The following SNTB1 variants were observed in gnomAD, a reference collection of about 807,000 sequenced individuals.
SNTB1 encodes syntrophin beta 1.
SNTB1 carries 36 observed loss-of-function variants against 48.9 expected under a neutral mutation model. The observed-to-expected ratio is 0.74, with a 90% CI of 0.56 to 0.97. SNTB1 has a LOEUF of 0.97. SNTB1 is among the 50% of genes least tolerant of loss of function. The probability of loss-of-function intolerance (pLI) is 0.00; values close to 1 mark genes in which losing one functional copy is unlikely to be tolerated. For synonymous variants in SNTB1, 299 were observed against 294.6 expected, an observed-to-expected ratio of 1.01 and a Z score of -0.15; for missense variants, 786 against 703.4, an observed-to-expected ratio of 1.12 and a Z score of -1.33.
chr8:120,584,573 G>T lies in SNTB1; in HGVS notation c.997-9348C>A, dbSNP rs60041571. On this transcript the variant is annotated intron_variant, in intron 3 of 6. Coordinates refer to ENST00000517992, the MANE Select transcript of SNTB1 (RefSeq NM_021021.4). Reference sequence around the variant, plus strand: ...TTTAAAAATCTACGTGACAGGGAAAGAATTCTCTCTATCAAGGGAGGAAAG... The same window carrying T: ...TTTAAAAATCTACGTGACAGGGAAATAATTCTCTCTATCAAGGGAGGAAAG... Among the ~76,000 whole-genome samples the T allele has an allele frequency of 7.2e-3, 1,087 of 151,760 alleles. 13 individuals carry two copies. The highest frequency in any genetic ancestry group is 0.024 in the African/African-American group (996 of 41,398).
At chr8:120,671,699 T>C (rs1223700217) in intron 2 of SNTB1, among the ~76,000 whole-genome samples, 1 of 152,218 alleles carries the variant, frequency 6.6e-6, no homozygotes, top group Non-Finnish European at 1.5e-5. Flanking sequence ...GACACCTGGT[T>C]TGTAGTAATT....
intron 1 of SNTB1, among the ~76,000 whole-genome samples, chr8:120,710,502 C>A (rs371534876): frequency 6.6e-6 from 1 of 152,154 alleles, no homozygotes; most frequent in Non-Finnish European, 1.5e-5. Context: ...GAATGCGTCC[C>A]CTCCAAAATT....
intron 3 of SNTB1, among the ~76,000 whole-genome samples, chr8:120,629,989 T>C (rs1343221467): frequency 9.2e-5 from 14 of 152,198 alleles, no homozygotes; most frequent in Non-Finnish European, 5.9e-5. Context: ...AAAGAGTAAC[T>C]TTTGGAAGAT....
chr8:120,744,772 T>C (rs1454468214), intron 1 of SNTB1, among the ~76,000 whole-genome samples: 1 of 152,230 alleles, frequency 6.6e-6, no homozygotes, highest in African/African-American at 2.4e-5. Context: ...GTATTTGTAT[T>C]GCTGTCTCTT....
chr8:120,611,446 G>A (rs1042208887), intron 3 of SNTB1, among the ~76,000 whole-genome samples: 1 of 152,144 alleles, frequency 6.6e-6, no homozygotes, highest in African/African-American at 2.4e-5. Flanking sequence ...CCTTACAGCA[G>A]TCTGTGAAGA....
intron 3 of SNTB1, among the ~76,000 whole-genome samples, 174 bp from the exon 4 acceptor site, chr8:120,575,399 A>G (rs1450996183): frequency 1.3e-5 from 2 of 152,194 alleles, no homozygotes; most frequent in Non-Finnish European, 2.9e-5. Context: ...ATCCTTGAAA[A>G]TATCTGTTGT....
intron 5 of SNTB1, among the ~76,000 whole-genome samples, chr8:120,545,670 T>C (rs989387105): frequency 6.6e-6 from 1 of 152,200 alleles, no homozygotes; most frequent in African/African-American, 2.4e-5. Context: ...CTTTCTACTG[T>C]GATGGAAATG....
intron 4 of SNTB1, among the ~76,000 whole-genome samples, chr8:120,562,899 A>C (rs909796292): frequency 2.0e-5 from 3 of 149,714 alleles, no homozygotes; most frequent in African/African-American, 7.7e-5. Flanking sequence ...AAAAAGAAAA[A>C]GAAAAAGAAA....
chr8:120,667,664 A>AT (rs1413197274), intron 2 of SNTB1, among the ~76,000 whole-genome samples: 1 of 151,902 alleles, frequency 6.6e-6, no homozygotes, highest in Non-Finnish European at 1.5e-5. Flanking sequence ...GGCCCTGGTA[A>AT]TTTTTTCATA....
chr8:120,686,754 C>A (rs1260157291), intron 2 of SNTB1, among the ~76,000 whole-genome samples: 1 of 152,142 alleles, frequency 6.6e-6, no homozygotes, highest in African/African-American at 2.4e-5. Context: ...TTCACTGATA[C>A]AAGCATGCAG....
intron 4 of SNTB1, among the ~76,000 whole-genome samples, chr8:120,555,545 C>G (rs748930963): frequency 5.3e-5 from 8 of 152,152 alleles, no homozygotes; most frequent in African/African-American, 1.9e-4. Context: ...ATGTCTAGTC[C>G]GTAGTTCCTG....
chr8:120,682,524 A>G (rs1234898776), intron 2 of SNTB1, among the ~76,000 whole-genome samples: 2 of 152,198 alleles, frequency 1.3e-5, no homozygotes, highest in Non-Finnish European at 2.9e-5. Flanking sequence ...CCACCATTAA[A>G]ACGATTGCTG....
At chr8:120,614,888 C>T (rs1008987314) in intron 3 of SNTB1, among the ~76,000 whole-genome samples, 12 of 149,700 alleles carry the variant, frequency 8.0e-5, no homozygotes, top group South Asian at 2.1e-4. Context: ...TTAAGATGAT[C>T]CCAGCTCTTT....
chr8:120,637,249 A>G (rs1388120095), intron 2 of SNTB1: 1 of 344,018 alleles, frequency 2.9e-6, no homozygotes, highest in Admixed American at 3.7e-5. Context: ...ATAAGATGGG[A>G]AAAAGTCTGC....
intron 1 of SNTB1, among the ~76,000 whole-genome samples, chr8:120,707,843 A>T (rs1818401938): frequency 6.6e-6 from 1 of 152,154 alleles, no homozygotes; most frequent in Non-Finnish European, 1.5e-5. Flanking sequence ...AGATTATTGC[A>T]GTTAATGAGC....
intron 1 of SNTB1, among the ~76,000 whole-genome samples, chr8:120,787,903 G>A (rs529035906): frequency 3.8e-4 from 58 of 152,208 alleles, no homozygotes; most frequent in Non-Finnish European, 7.6e-4. Context: ...ATTGCACAAA[G>A]AAAATCATCA....
intron 1 of SNTB1, among the ~76,000 whole-genome samples, chr8:120,702,835 A>C (rs1818328085): frequency 6.6e-6 from 1 of 152,162 alleles, no homozygotes; most frequent in Non-Finnish European, 1.5e-5. Flanking sequence ...CCTGCCAACT[A>C]TGTAAGCTTG....
At chr8:120,773,404 T>C (rs1819675007) in intron 1 of SNTB1, among the ~76,000 whole-genome samples, 1 of 152,196 alleles carries the variant, frequency 6.6e-6, no homozygotes, top group Admixed American at 6.5e-5. Context: ...GGCATGGATG[T>C]GAGCATGGAG....
intron 3 of SNTB1, among the ~76,000 whole-genome samples, chr8:120,593,204 AG>A (rs1318925130): frequency 3.9e-5 from 6 of 152,184 alleles, no homozygotes; most frequent in Non-Finnish European, 8.8e-5. Context: ...TCGTGGTGCC[AG>A]GGACGATATT....
Sources: gnomAD v4.1 joint callset for allele counts (sites outside exome capture counted in the v4.1 genomes callset) on GRCh38, gnomAD v4.1.1 for gene constraint, MANE v1.5 for transcripts, NCBI Gene and HGNC (gene_info 2026-07-23, HGNC 2026-07-21) for gene names.